The following CNGA3 variants were observed in gnomAD, a reference collection of about 807,000 sequenced individuals.
The protein encoded by CNGA3 is cyclic nucleotide gated channel subunit alpha 3.
A neutral mutation model predicts 46.6 loss-of-function variants in CNGA3; 42 were observed. That is an observed-to-expected ratio of 0.90 (90% CI 0.70 to 1.17). The LOEUF (loss-of-function observed/expected upper bound fraction) is 1.17. Among genes scored for constraint, CNGA3 ranks in the 50% most tolerant of loss-of-function variants. The pLI is 0.00. For synonymous variants in CNGA3, 394 were observed against 369.4 expected (o/e 1.07, Z -0.76); for missense variants, 893 against 890.7 (o/e 1.00, Z -0.03).
chr2:98,354,319 T>C (rs62156275), intron 1 of CNGA3, among the ~76,000 whole-genome samples: 5,956 of 152,326 alleles, frequency 0.039, 164 homozygotes, highest in Middle Eastern at 0.078. Flanking sequence ...TAGTAAGTCA[T>C]TGTGCTTTTG....
At chr2:98,388,227 T>C (rs1692700230) in intron 5 of CNGA3, among the ~76,000 whole-genome samples, 1 of 152,014 alleles carries the variant, frequency 6.6e-6, no homozygotes, top group Non-Finnish European at 1.5e-5. Flanking sequence ...GTAATGTCCT[T>C]GATATATGAA....
At chr2:98,376,178 G>A (rs1692400612) in intron 2 of CNGA3, among the ~76,000 whole-genome samples, 2 of 152,120 alleles carry the variant, frequency 1.3e-5, no homozygotes, top group African/African-American at 4.8e-5. Flanking sequence ...CTGTGTTACA[G>A]GACTGCTTTG....
intron 2 of CNGA3, among the ~76,000 whole-genome samples, chr2:98,373,384 A>G (rs552279494): frequency 2.8e-4 from 43 of 152,342 alleles, no homozygotes; most frequent in Non-Finnish European, 5.9e-4. Context: ...ATTGGGGTAC[A>G]CGAACGTTAA....
At chr2:98,368,775 G>C (rs1692220017) in intron 1 of CNGA3, among the ~76,000 whole-genome samples, 1 of 152,192 alleles carries the variant, frequency 6.6e-6, no homozygotes, top group African/African-American at 2.4e-5. Context: ...TGGGTAGGGG[G>C]CCAGTGAATC....
rs113942097 is a variant in CNGA3 at position 98,391,342 on chromosome 2, C to T, written c.567-522C>T. Among the ~76,000 whole-genome samples the T allele has an allele frequency of 3.5e-4, 54 of 152,148 alleles. 1 individual carries two copies. The highest frequency in any genetic ancestry group is 1.2e-3 in the African/African-American group (48 of 41,514). ...TTCAGGTGGGCAGGAGGCTTTGGGG[C>T]GCTGAGCAAGCAGCAGGTGGGCGGC... On this transcript the variant is annotated intron_variant, in intron 6 of 7. Coordinates refer to ENST00000272602, the MANE Select transcript of CNGA3 (RefSeq NM_001298.3).
At chr2:98,374,165 T>G (rs372086463) in intron 2 of CNGA3, among the ~76,000 whole-genome samples, 30 of 152,316 alleles carry the variant, frequency 2.0e-4, no homozygotes, top group African/African-American at 4.6e-4. Context: ...AAAGTTAATT[T>G]CCAGTTCCAG....
intron 3 of CNGA3, 28 bp downstream of exon 3, chr2:98,377,828 T>G: frequency 6.3e-7 from 1 of 1,584,284 alleles, no homozygotes; most frequent in East Asian, 2.3e-5. Flanking sequence ...GTCCCTACCT[T>G]GGCCTGGGGG....
chr2:98,360,996 TTTTTATTTTA>T (rs201142770), intron 1 of CNGA3, among the ~76,000 whole-genome samples: 10 of 150,816 alleles, frequency 6.6e-5, no homozygotes, highest in African/African-American at 1.7e-4. Context: ...GTTATTTTTA[TTTTTATTTTA>T]TTTTATTTTA....
intron 4 of CNGA3, 70 bp from the exon 5 acceptor site, chr2:98,383,318 C>A (rs1692578472): frequency 1.4e-6 from 2 of 1,429,080 alleles, no homozygotes; most frequent in South Asian, 1.1e-5. Context: ...CATGGTAATC[C>A]CCTGGTGAAA....
intron 2 of CNGA3, among the ~76,000 whole-genome samples, chr2:98,373,339 C>T (rs1302712433): frequency 1.3e-5 from 2 of 152,180 alleles, no homozygotes; most frequent in Non-Finnish European, 2.9e-5. Context: ...AAATTCCAGT[C>T]CTTTTAGAAA....
At chr2:98,377,493 G>A (rs1389543082) in intron 2 of CNGA3, 194 bp from the exon 3 acceptor site, 9 of 605,452 alleles carry the variant, frequency 1.5e-5, no homozygotes, top group Non-Finnish European at 2.4e-5. Flanking sequence ...TTGCTGTAAA[G>A]GAAAGGCCAC....
At chr2:98,392,284 G>A (rs1283627039) in intron 7 of CNGA3, among the ~76,000 whole-genome samples, 1 of 152,244 alleles carries the variant, frequency 6.6e-6, no homozygotes, top group African/African-American at 2.4e-5. Context: ...GCCAGGCCAG[G>A]TGCAGTGGCT....
chr2:98,365,553 A>G (rs1007321462), intron 1 of CNGA3, among the ~76,000 whole-genome samples: 4 of 152,094 alleles, frequency 2.6e-5, no homozygotes, highest in African/African-American at 9.7e-5. Context: ...AATCAGTCAT[A>G]GGTTCAGTCT....
intron 1 of CNGA3, among the ~76,000 whole-genome samples, chr2:98,367,717 C>A (rs1341019610): frequency 6.6e-6 from 1 of 152,124 alleles, no homozygotes; most frequent in African/African-American, 2.4e-5. Flanking sequence ...TTCCTCCCCA[C>A]CCCTTATACC....
chr2:98,382,616 C>G (rs767154580), intron 4 of CNGA3, among the ~76,000 whole-genome samples: 3 of 152,182 alleles, frequency 2.0e-5, no homozygotes, highest in African/African-American at 7.2e-5. Flanking sequence ...CAGTGCCCTG[C>G]GAGGCCGCAT....
intron 1 of CNGA3, among the ~76,000 whole-genome samples, chr2:98,360,359 A>T (rs12463618): frequency 0.22 from 34,089 of 152,186 alleles, 4,338 homozygotes; most frequent in Admixed American, 0.36. Flanking sequence ...GGATAGAGAA[A>T]GCAGCTGAGG....
chr2:98,351,291 A>G (rs911793240), intron 1 of CNGA3, among the ~76,000 whole-genome samples: 4 of 152,164 alleles, frequency 2.6e-5, no homozygotes, highest in African/African-American at 9.7e-5. Flanking sequence ...TCACCACCCA[A>G]ATCTCATCTT....
chr2:98,356,283 G>C (rs1691878274), intron 1 of CNGA3, among the ~76,000 whole-genome samples: 1 of 152,188 alleles, frequency 6.6e-6, no homozygotes. Flanking sequence ...CATTTGTCCA[G>C]GGTGATGCTG....
intron 3 of CNGA3, chr2:98,378,246 T>C: frequency 6.5e-7 from 1 of 1,537,872 alleles, no homozygotes; most frequent in Non-Finnish European, 8.8e-7. Context: ...CAAAAGCATT[T>C]GTTTGCAAGA....
Sources: gnomAD v4.1 joint callset for allele counts (sites outside exome capture counted in the v4.1 genomes callset) on GRCh38, gnomAD v4.1.1 for gene constraint, MANE v1.5 for transcripts, NCBI Gene and HGNC (gene_info 2026-07-23, HGNC 2026-07-21) for gene names.